TET1: variants seen among roughly 807,000 people sequenced by gnomAD.
TET1 encodes methylcytosine dioxygenase TET1.
Under a neutral mutation model 148.7 loss-of-function variants are expected in TET1, and 13 were observed. The ratio of observed to expected loss-of-function variants is 0.09; its 90% CI spans 0.06 to 0.14. The LOEUF (loss-of-function observed/expected upper bound fraction) is 0.14, where lower values mean the gene tolerates loss of function less well. TET1 is among the 10% of genes least tolerant of loss of function. The pLI is 1.00. For synonymous variants in TET1, 907 were observed against 937.2 expected (o/e 0.97, Z 0.59); for missense variants, 2,182 against 2,553.8 (o/e 0.85, Z 3.14).
At chr10:68,683,044 A>G in intron 10 of TET1, 71 bp downstream of exon 10, 1 of 1,489,850 alleles carries the variant, frequency 6.7e-7, no homozygotes, top group Non-Finnish European at 9.1e-7. Context: ...CCTTACGTAT[A>G]CTGTGATGAC....
chr10:68,570,003 A>C (rs1013982616), intron 1 of TET1, among the ~76,000 whole-genome samples: 2 of 152,110 alleles, frequency 1.3e-5, no homozygotes, highest in East Asian at 1.9e-4. Context: ...CAGGGGGTAC[A>C]TGTGCAGGTT....
intron 7 of TET1, among the ~76,000 whole-genome samples, chr10:68,671,623 T>G (rs1291459552): frequency 6.6e-6 from 1 of 152,258 alleles, no homozygotes; most frequent in Non-Finnish European, 1.5e-5. Context: ...TATGGTACTT[T>G]CGTTGTCATT....
At chr10:68,651,170 G>A (rs1589112518) in intron 4 of TET1, among the ~76,000 whole-genome samples, 2 of 152,132 alleles carry the variant, frequency 1.3e-5, no homozygotes, top group East Asian at 3.8e-4. Context: ...TTGTGCAAAT[G>A]TATAGTAGAA....
chr10:68,624,155 G>A (rs570710275), intron 3 of TET1, among the ~76,000 whole-genome samples: 1 of 149,984 alleles, frequency 6.7e-6, no homozygotes, highest in African/African-American at 2.4e-5. Context: ...GGAGTGCAGT[G>A]TCGCAATCTC....
At chr10:68,567,375 A>AT (rs2053618492) in intron 1 of TET1, among the ~76,000 whole-genome samples, 3 of 152,058 alleles carry the variant, frequency 2.0e-5, no homozygotes, top group African/African-American at 7.2e-5. Context: ...TTTTAAACAG[A>AT]TTGAACCCGG....
Position 68,572,334 on chromosome 10 carries a change from T to C in TET1, c.-5T>C, listed in dbSNP as rs1226951425. 6.3e-7 allele frequency: 1 copy of C among 1,591,224 alleles called. No homozygotes were observed. Among genetic ancestry groups the C allele is most frequent in the Non-Finnish European group, 8.5e-7 (1 of 1,173,594 alleles). Reference sequence around the variant, plus strand: ...CGCCCTTTCATTTTTTCCTACTCTGTAGCTATGTCTCGATCCCGCCATGCA... The same window carrying C: ...CGCCCTTTCATTTTTTCCTACTCTGCAGCTATGTCTCGATCCCGCCATGCA... On this transcript the variant is annotated 5_prime_UTR_variant, in exon 2 of 12. Coordinates refer to ENST00000373644, the MANE Select transcript of TET1 (RefSeq NM_030625.3).
At chr10:68,656,601 T>G (rs2055025402) in intron 6 of TET1, among the ~76,000 whole-genome samples, 1 of 152,236 alleles carries the variant, frequency 6.6e-6, no homozygotes, top group South Asian at 2.1e-4. Flanking sequence ...TTCCAAACTT[T>G]CCAGGTTATC....
chr10:68,593,604 AT>A (rs1329032132), intron 2 of TET1, among the ~76,000 whole-genome samples: 5 of 151,490 alleles, frequency 3.3e-5, no homozygotes, highest in Non-Finnish European at 7.4e-5. Context: ...TACCTGGCTA[AT>A]TTTTGTATTA....
intron 8 of TET1, chr10:68,674,939 T>C (rs2055329397): frequency 2.7e-6 from 1 of 374,984 alleles, no homozygotes; most frequent in Non-Finnish European, 5.0e-6. Flanking sequence ...CTCTCCATGA[T>C]GTCTTTGTTA....
chr10:68,584,703 C>T (rs1290974633), intron 2 of TET1, among the ~76,000 whole-genome samples: 2 of 151,944 alleles, frequency 1.3e-5, no homozygotes, highest in Non-Finnish European at 1.5e-5. Context: ...AGTGAGACTC[C>T]GTCTCAGGGA....
In TET1 at chr10:68,645,767, C is replaced by T. The variant is rs369726331; in HGVS notation, c.3038C>T (p.Ser1013Phe). 5 of 1,613,942 alleles carry T rather than the reference C, an allele frequency of 3.1e-6. No individual in the cohort carries two copies. Among genetic ancestry groups the T allele is most frequent in the African/African-American group, 2.7e-5 (2 of 74,882 alleles). Residue 1013 changes from serine (S) to phenylalanine (F), a missense_variant, in exon 4 of 12, where the codon TCC becomes TTC. By Grantham distance (155) the Ser-to-Phe change is radical. Around this residue, in one of 11 missense-constraint regions of TET1, gnomAD observed 582 missense variants for 599.5 expected, o/e 0.97. Coordinates refer to ENST00000373644, the MANE Select transcript of TET1 (RefSeq NM_030625.3). ...CTTTTTATACCAAAATCAAATTCAT[C>T]CAAGATTGACACCAATAAAAGTATT... ...LSLFIPKSNSSKIDTNKSIAQ... is the reference protein window; with the variant it reads ...LSLFIPKSNSFKIDTNKSIAQ...
chr10:68,578,254 T>A (rs2053754495), intron 2 of TET1, among the ~76,000 whole-genome samples: 1 of 152,092 alleles, frequency 6.6e-6, no homozygotes, highest in Non-Finnish European at 1.5e-5. Flanking sequence ...TTTTATTTTA[T>A]TTTATTTTAT....
chr10:68,632,416 C>T (rs1423590340), intron 3 of TET1: 2 of 1,611,830 alleles, frequency 1.2e-6, no homozygotes, highest in Non-Finnish European at 8.5e-7. Flanking sequence ...GAGGAAGTCC[C>T]TTAAGCTCCT....
chr10:68,681,012 C>T (rs7913678), intron 8 of TET1, among the ~76,000 whole-genome samples: 148,681 of 152,350 alleles, frequency 0.98, 72,568 homozygotes, highest in East Asian at 1. Flanking sequence ...TTATAGGAAC[C>T]TGTTACATTG....
At chr10:68,643,966 A>G (rs1167720957) in intron 3 of TET1, among the ~76,000 whole-genome samples, 2 of 151,848 alleles carry the variant, frequency 1.3e-5, no homozygotes, top group Non-Finnish European at 2.9e-5. Flanking sequence ...GTACAGTGGC[A>G]TGATCTTGGC....
chr10:68,691,328 A>C lies in TET1; in HGVS notation c.5925A>C (p.Leu1975=). Residue 1975 remains leucine, a synonymous_variant, in exon 12 of 12, where the codon CTA becomes CTC. Transcript: ENST00000373644. The surrounding 1 kb of genome is among the most constrained non-coding windows in gnomAD (Gnocchi z 4.4). ...ATGAGCCTCCATCAGACGAACCCCT[A>C]TCTGATGACCCCCTGTCACCTGCTG... is the stretch of plus-strand genomic sequence containing the variant. ...EADEPPSDEP[L]SDDPLSPAEE... 1.2e-6 allele frequency: 2 copies of C among 1,614,116 alleles called. No homozygotes were observed. The highest frequency in any genetic ancestry group is 2.2e-5 in the South Asian group (2 of 91,084).
At chr10:68,574,648 T>C (rs1223967650) in intron 2 of TET1, among the ~76,000 whole-genome samples, 4 of 152,216 alleles carry the variant, frequency 2.6e-5, no homozygotes, top group Non-Finnish European at 5.9e-5. Context: ...TGGAACAAAT[T>C]CATTAACTCC....
rs1005379364 is a variant in TET1, at chr10:68,693,087, A to C, written c.*1273A>C. ...AGCTAATTCATTTGTTTATCTTAGC[A>C]TACTAGATTTGGGAAAATGATAACT... On this transcript the variant is annotated 3_prime_UTR_variant, in exon 12 of 12. Coordinates refer to ENST00000373644, the MANE Select transcript of TET1 (RefSeq NM_030625.3). 2.6e-5 allele frequency: 6 copies of C among 229,814 alleles called. No individual in the cohort carries two copies. Among genetic ancestry groups the C allele is most frequent in the Admixed American group, 1.2e-4 (2 of 17,230 alleles). The allele number at this position is 229,814 out of a possible 1,614,324, so 14.2% of individuals were successfully genotyped here.
chr10:68,668,673 G>A (rs1175577788), intron 7 of TET1, among the ~76,000 whole-genome samples: 3 of 152,118 alleles, frequency 2.0e-5, no homozygotes, highest in Admixed American at 6.6e-5. Flanking sequence ...TCTGCCTCCC[G>A]GGTTCAAGCG....
Sources: gnomAD v4.1 joint callset for allele counts (sites outside exome capture counted in the v4.1 genomes callset) on GRCh38, gnomAD v4.1.1 for gene constraint, gnomAD v4.1.1 regional missense constraint, Gnocchi (gnomAD v3.1) non-coding constraint, MANE v1.5 for transcripts, NCBI Gene and HGNC (gene_info 2026-07-23, HGNC 2026-07-21) for gene names.